RBMS3: variants seen among roughly 807,000 people sequenced by gnomAD.
RBMS3 encodes the protein RNA binding motif single stranded interacting protein 3.
RBMS3 carries 27 observed loss-of-function variants against 66.8 expected under a neutral mutation model. The observed-to-expected ratio is 0.40, with a 90% CI of 0.30 to 0.56. The LOEUF (loss-of-function observed/expected upper bound fraction) is 0.56, where lower values mean the gene tolerates loss of function less well. Among genes scored for constraint, RBMS3 ranks in the 20% least tolerant of loss-of-function variants. RBMS3 has a pLI of 0.40. For missense variants in RBMS3, 513 were observed against 549.5 expected (o/e 0.93, Z 0.66); for synonymous variants, 188 against 183.0 (o/e 1.03, Z -0.22).
At chr3:29,941,474 T>G (rs1205712804) in intron 11 of RBMS3, among the ~76,000 whole-genome samples, 1 of 151,780 alleles carries the variant, frequency 6.6e-6, no homozygotes, top group Non-Finnish European at 1.5e-5. Flanking sequence ...AAAATATTAA[T>G]TAAAACACTC....
chr3:29,731,758 C>T lies in RBMS3; in HGVS notation c.400-7962C>T, dbSNP rs137962754. Among the ~76,000 whole-genome samples, 194 of 152,260 alleles carry T rather than the reference C, an allele frequency of 1.3e-3. 1 individual carries two copies. The highest frequency in any genetic ancestry group is 4.5e-3 in the African/African-American group (187 of 41,542). Reference sequence around the variant, plus strand: ...CAATATAGATTTGACAAAACTAACACATTGTATTAGTCAGGGTTCTTCAGA... The same window carrying T: ...CAATATAGATTTGACAAAACTAACATATTGTATTAGTCAGGGTTCTTCAGA... On this transcript the variant is annotated intron_variant, in intron 4 of 14. Coordinates refer to ENST00000383767, the MANE Select transcript of RBMS3 (RefSeq NM_001003793.3).
At chr3:29,829,275 C>T (rs372722493) in intron 6 of RBMS3, among the ~76,000 whole-genome samples, 43 of 152,170 alleles carry the variant, frequency 2.8e-4, no homozygotes, top group African/African-American at 1.0e-3. Context: ...GAACTCATGA[C>T]CTCAGGTAAT....
intron 4 of RBMS3, among the ~76,000 whole-genome samples, chr3:29,684,779 TACACACAC>T (rs10570309): frequency 0.063 from 9,168 of 145,694 alleles, 417 homozygotes; most frequent in East Asian, 0.21. Context: ...GTTTGTTATG[TACACACAC>T]ACACACACAC....
At chr3:29,453,394 C>T (rs1351981011) in intron 2 of RBMS3, among the ~76,000 whole-genome samples, 1 of 152,200 alleles carries the variant, frequency 6.6e-6, no homozygotes, top group Non-Finnish European at 1.5e-5. Flanking sequence ...GCATTTCAGA[C>T]CTGGTGCCAG....
In RBMS3 at chr3:29,703,042, G is replaced by A. The variant is rs148894164; in HGVS notation, c.400-36678G>A. ...ATTATTAGATGTATCTAATACTGAT[G>A]CAGACGATGTTTTGAGCTATTTCAA... On this transcript the variant is annotated intron_variant, in intron 4 of 14. Transcript: ENST00000383767. Among the ~76,000 whole-genome samples, 5 of 152,334 alleles carry A rather than the reference G, an allele frequency of 3.3e-5. 1 individual carries two copies. Among genetic ancestry groups the A allele is most frequent in the African/African-American group, 9.6e-5 (4 of 41,584 alleles).
chr3:29,483,166 G>T (rs1344485247), intron 2 of RBMS3, among the ~76,000 whole-genome samples: 4 of 151,444 alleles, frequency 2.6e-5, no homozygotes, highest in Non-Finnish European at 5.9e-5. Flanking sequence ...AAAATTAGCC[G>T]GGCTTGGGGG....
intron 5 of RBMS3, among the ~76,000 whole-genome samples, chr3:29,743,244 C>T (rs2054720522): frequency 6.6e-6 from 1 of 152,208 alleles, no homozygotes; most frequent in African/African-American, 2.4e-5. Context: ...AATTCTTGCA[C>T]AAATGTTTCT....
intron 3 of RBMS3, among the ~76,000 whole-genome samples, chr3:29,527,202 AAAAAAAAAG>A (rs1338806816): frequency 1.3e-5 from 2 of 150,730 alleles, no homozygotes; most frequent in Non-Finnish European, 3.0e-5. Flanking sequence ...AAAAAAAAAA[AAAAAAAAAG>A]ATGGAAAGTA....
At chr3:29,591,557 A>T (rs2047739105) in intron 4 of RBMS3, among the ~76,000 whole-genome samples, 1 of 152,186 alleles carries the variant, frequency 6.6e-6, no homozygotes, top group Admixed American at 6.6e-5. Flanking sequence ...TGATTCTGTC[A>T]TCCAGAGGGA....
chr3:29,789,561 A>G (rs1047195316), intron 6 of RBMS3, among the ~76,000 whole-genome samples: 3 of 152,016 alleles, frequency 2.0e-5, no homozygotes, highest in Non-Finnish European at 4.4e-5. Context: ...TGAAATTTCA[A>G]TTGTCTTAAT....
intron 3 of RBMS3, among the ~76,000 whole-genome samples, chr3:29,510,957 TA>T (rs1290839025): frequency 6.6e-6 from 1 of 152,214 alleles, no homozygotes; most frequent in East Asian, 1.9e-4. Flanking sequence ...TGGTTAGTGA[TA>T]AAGGAGAAAA....
At chr3:29,748,590 C>A (rs2055031777) in intron 5 of RBMS3, among the ~76,000 whole-genome samples, 1 of 152,106 alleles carries the variant, frequency 6.6e-6, no homozygotes, top group Non-Finnish European at 1.5e-5. Context: ...GTAGAGGCAG[C>A]TAATTAGGAA....
chr3:29,994,348 G>T (rs974958399), intron 14 of RBMS3, among the ~76,000 whole-genome samples: 13 of 152,230 alleles, frequency 8.5e-5, no homozygotes, highest in African/African-American at 3.1e-4. Context: ...CAGTGAGGCT[G>T]GGGGAGGGGC....
intron 3 of RBMS3, among the ~76,000 whole-genome samples, chr3:29,536,016 A>G (rs975913251): frequency 5.3e-5 from 8 of 152,146 alleles, no homozygotes; most frequent in Non-Finnish European, 8.8e-5. Flanking sequence ...GAATCTTCAC[A>G]GAATTAGCTA....
chr3:29,601,144 A>G (rs1424505481), intron 4 of RBMS3, among the ~76,000 whole-genome samples: 3 of 151,770 alleles, frequency 2.0e-5, no homozygotes, highest in South Asian at 2.1e-4. Flanking sequence ...ATATATATTT[A>G]TTACTTATTT....
intron 4 of RBMS3, among the ~76,000 whole-genome samples, chr3:29,683,380 A>G (rs1189948539): frequency 3.9e-5 from 6 of 152,252 alleles, no homozygotes; most frequent in African/African-American, 1.4e-4. Flanking sequence ...TATTTCACAT[A>G]GCAGGTCTCA....
chr3:29,589,459 T>C (rs1480775813), intron 4 of RBMS3, among the ~76,000 whole-genome samples: 1 of 152,170 alleles, frequency 6.6e-6, no homozygotes, highest in Non-Finnish European at 1.5e-5. Context: ...TTTTACCTTA[T>C]TAATTCTGCT....
intron 2 of RBMS3, among the ~76,000 whole-genome samples, chr3:29,483,865 G>A (rs1197056436): frequency 1.3e-5 from 2 of 152,024 alleles, no homozygotes; most frequent in Non-Finnish European, 1.5e-5. Flanking sequence ...TCTTTGTAAG[G>A]TATTAGCCCG....
chr3:29,358,222 A>G (rs1217991106), intron 1 of RBMS3, among the ~76,000 whole-genome samples: 1 of 152,176 alleles, frequency 6.6e-6, no homozygotes, highest in East Asian at 1.9e-4. Context: ...TAATTTTTGT[A>G]TAAGATGTAA....
Sources: allele counts gnomAD v4.1 joint callset (sites outside exome capture counted in the v4.1 genomes callset), GRCh38; gene constraint gnomAD v4.1.1; transcripts MANE v1.5; gene names NCBI Gene and HGNC (gene_info 2026-07-23, HGNC 2026-07-21).